APBA1: variants seen among roughly 807,000 people sequenced by gnomAD.
The protein encoded by APBA1 is amyloid beta precursor protein binding family A member 1, also known as amyloid-beta A4 precursor protein-binding family A member 1.
A neutral mutation model predicts 86.6 loss-of-function variants in APBA1; 55 were observed. The ratio of observed to expected loss-of-function variants is 0.64; its 90% CI spans 0.51 to 0.80. APBA1 has a LOEUF of 0.80. Among genes scored for constraint, APBA1 ranks in the 30% least tolerant of loss-of-function variants. APBA1 has a pLI of 0.00. For synonymous variants in APBA1, 511 were observed against 493.9 expected (o/e 1.03, Z -0.46); for missense variants, 1,090 against 1,183.0 (o/e 0.92, Z 1.15).
chr9:69,435,484 A>T (rs1434797578), intron 11 of APBA1, among the ~76,000 whole-genome samples: 1 of 152,094 alleles, frequency 6.6e-6, no homozygotes, highest in African/African-American at 2.4e-5. Flanking sequence ...AATGATCGCC[A>T]TTCTAACTGG....
chr9:69,449,999 A>G (rs1834976209), intron 9 of APBA1, among the ~76,000 whole-genome samples: 1 of 150,902 alleles, frequency 6.6e-6, no homozygotes, highest in Admixed American at 6.6e-5. Context: ...ACTCTTTTGT[A>G]ATTCACTCGT....
intron 1 of APBA1, among the ~76,000 whole-genome samples, chr9:69,589,379 A>G (rs1032345140): frequency 2.0e-5 from 3 of 152,300 alleles, no homozygotes; most frequent in Middle Eastern, 3.4e-3. Context: ...CTAGGCCCAG[A>G]CAGAGAAGGC....
At chr9:69,592,593 T>G (rs1822152246) in intron 1 of APBA1, among the ~76,000 whole-genome samples, 1 of 152,168 alleles carries the variant, frequency 6.6e-6, no homozygotes, top group African/African-American at 2.4e-5. Context: ...AGACCCTATC[T>G]CTTTAAAAAT....
chr9:69,561,413 A>C (rs1303334013), intron 1 of APBA1, among the ~76,000 whole-genome samples: 2 of 152,222 alleles, frequency 1.3e-5, no homozygotes, highest in Admixed American at 6.5e-5. Flanking sequence ...CCTAAAAGTG[A>C]TACCATTGTT....
chr9:69,476,693 CAG>C (rs1835453085), intron 2 of APBA1, among the ~76,000 whole-genome samples: 2 of 152,270 alleles, frequency 1.3e-5, no homozygotes, highest in African/African-American at 4.8e-5. Context: ...ATTGAAAATT[CAG>C]AGACATTTCA....
chr9:69,529,583 T>C (rs1469664172), intron 1 of APBA1, among the ~76,000 whole-genome samples: 1 of 152,170 alleles, frequency 6.6e-6, no homozygotes, highest in Non-Finnish European at 1.5e-5. Context: ...ATTTATACTC[T>C]TCTAGTTCAC....
intron 6 of APBA1, among the ~76,000 whole-genome samples, chr9:69,457,830 A>AT (rs1284620710): frequency 6.6e-6 from 1 of 152,196 alleles, no homozygotes; most frequent in African/African-American, 2.4e-5. Context: ...CAAATCAAGC[A>AT]TAACTATAAT....
chr9:69,597,876 C>T (rs530954043), intron 1 of APBA1, among the ~76,000 whole-genome samples: 26 of 152,162 alleles, frequency 1.7e-4, no homozygotes, highest in African/African-American at 6.0e-4. Context: ...GTCAGTGTGG[C>T]GATTCCTCAG....
intron 10 of APBA1, among the ~76,000 whole-genome samples, chr9:69,443,757 T>C (rs1198505042): frequency 6.6e-6 from 1 of 152,144 alleles, no homozygotes; most frequent in Non-Finnish European, 1.5e-5. Context: ...CACAGCAAGA[T>C]TCAATCCTAT....
intron 2 of APBA1, among the ~76,000 whole-genome samples, chr9:69,481,388 C>T (rs999810142): frequency 6.6e-6 from 1 of 150,778 alleles, no homozygotes; most frequent in South Asian, 2.1e-4. Context: ...AAAGAGAATA[C>T]AATACCTAGG....
chr9:69,634,630 A>T (rs989680186), intron 1 of APBA1, among the ~76,000 whole-genome samples: 6 of 152,176 alleles, frequency 3.9e-5, no homozygotes, highest in African/African-American at 9.7e-5. Context: ...AAGGTAAAAA[A>T]CACCAAGGAG....
chr9:69,450,610 G>T (rs928473554), intron 9 of APBA1, among the ~76,000 whole-genome samples: 10 of 152,134 alleles, frequency 6.6e-5, no homozygotes, highest in African/African-American at 2.4e-4. Context: ...TAGCTGAAAG[G>T]GAGACACATT....
chr9:69,516,811 C>T lies in APBA1; in HGVS notation c.400G>A (p.Glu134Lys). 1 of 1,608,180 alleles carries T rather than the reference C, an allele frequency of 6.2e-7. No individual in the cohort carries two copies. Among genetic ancestry groups the T allele is most frequent in the Non-Finnish European group, 8.5e-7 (1 of 1,179,370 alleles). Residue 134 changes from glutamate (E) to lysine (K), a missense_variant, in exon 2 of 13, where the codon GAG (glutamate) becomes AAG (lysine). Physicochemically the swap from Glu to Lys is moderately conservative, Grantham distance 56. Transcript: ENST00000265381. The surrounding 1 kb of genome is among the most constrained non-coding windows in gnomAD (Gnocchi z 7.3). ...TGCGTGGCCTCGGCGTGCTCGGCCT[C>T]TGCCTGCTCCGTGTACTCCTCGGCC... Reference protein sequence around the residue: ...PEAEEYTEQAEAEHAEATHRR... With the variant: ...PEAEEYTEQAKAEHAEATHRR...
chr9:69,447,101 A>G (rs916064372), intron 10 of APBA1, among the ~76,000 whole-genome samples: 5 of 152,036 alleles, frequency 3.3e-5, no homozygotes, highest in African/African-American at 1.2e-4. Context: ...CACATACCAA[A>G]AGAGAGCTTG....
intron 1 of APBA1, among the ~76,000 whole-genome samples, chr9:69,585,981 GA>G (rs1273736694): frequency 1.3e-5 from 2 of 152,106 alleles, no homozygotes; most frequent in Non-Finnish European, 2.9e-5. Context: ...GCCCACCTAT[GA>G]ATATGTTTGC....
intron 4 of APBA1, 58 bp from the exon 5 acceptor site, chr9:69,468,026 C>G: frequency 6.3e-7 from 1 of 1,581,572 alleles, no homozygotes; most frequent in South Asian, 1.1e-5. Context: ...TGCCAACCCC[C>G]TCAATGGCAC....
chr9:69,629,621 A>G (rs897576926), intron 1 of APBA1, among the ~76,000 whole-genome samples: 1 of 152,208 alleles, frequency 6.6e-6, no homozygotes, highest in African/African-American at 2.4e-5. Flanking sequence ...GCTGTGCTTC[A>G]GGCAAGCCAA....
In APBA1 at chr9:69,658,274, TTCTTTCTTTC is replaced by T. The variant is rs1393909403; in HGVS notation, c.-70+13869_-70+13878del. On this transcript the variant is annotated intron_variant, in intron 1 of 12. Transcript: ENST00000265381. ...TTTCTTTCTTTCTTTCTTTCTTTCT[TTCTTTCTTTC>T]TCTCTCTCTTTCTCTCTCTCTCTTT... Among the ~76,000 whole-genome samples, 97 of 68,308 alleles carry T rather than the reference TTCTTTCTTTC, an allele frequency of 1.4e-3. 3 individuals carry two copies. Among genetic ancestry groups the T allele is most frequent in the African/African-American group, 4.1e-3 (84 of 20,638 alleles). 44.8% of individuals were successfully genotyped at this position (68,308 alleles called of 152,430 possible). A position where few individuals can be genotyped will look rare whatever the true frequency, so the allele number is the denominator to read the frequency against.
intron 11 of APBA1, among the ~76,000 whole-genome samples, chr9:69,439,806 CT>C (rs1165597581): frequency 2.6e-5 from 4 of 152,216 alleles, no homozygotes; most frequent in Non-Finnish European, 2.9e-5. Context: ...CTCCATCCAG[CT>C]TTGTTCCGTT....
Sources: gnomAD v4.1 joint callset for allele counts (sites outside exome capture counted in the v4.1 genomes callset) on GRCh38, gnomAD v4.1.1 for gene constraint, Gnocchi (gnomAD v3.1) non-coding constraint, MANE v1.5 for transcripts, NCBI Gene and HGNC (gene_info 2026-07-23, HGNC 2026-07-21) for gene names.